SGCZ: variants seen among roughly 807,000 people sequenced by gnomAD.
The protein encoded by SGCZ is sarcoglycan zeta.
A neutral mutation model predicts 41.3 loss-of-function variants in SGCZ; 40 were observed. The observed-to-expected ratio is 0.97, with a 90% CI of 0.75 to 1.26. The LOEUF is 1.26. Ranked by LOEUF, SGCZ falls within the 50% of genes most tolerant of loss-of-function variation. The pLI is 0.00. For missense variants in SGCZ, 552 were observed against 369.8 expected, an observed-to-expected ratio of 1.49 and a Z score of -4.04; for synonymous variants, 206 against 137.5, an observed-to-expected ratio of 1.50 and a Z score of -3.49.
chr8:14,387,147 A>T (rs1176359164), intron 2 of SGCZ, among the ~76,000 whole-genome samples: 1 of 152,218 alleles, frequency 6.6e-6, no homozygotes, highest in African/African-American at 2.4e-5. Context: ...TCCTGGCCTC[A>T]AGTGATCCTC....
intron 1 of SGCZ, among the ~76,000 whole-genome samples, chr8:14,587,643 A>C (rs1234279228): frequency 2.0e-5 from 3 of 152,190 alleles, no homozygotes; most frequent in Non-Finnish European, 4.4e-5. Flanking sequence ...CCATGGATAG[A>C]ATATATGCAG....
chr8:14,091,435 C>A (rs570054820), intron 7 of SGCZ, among the ~76,000 whole-genome samples: 1 of 151,976 alleles, frequency 6.6e-6, no homozygotes, highest in East Asian at 1.9e-4. Context: ...ATGGTTTAAC[C>A]AATTTACACT....
At chr8:14,960,781 TACTACATCAATTAAGGAAATC>T (rs1172573571) in intron 1 of SGCZ, among the ~76,000 whole-genome samples, 2 of 152,128 alleles carry the variant, frequency 1.3e-5, no homozygotes, top group African/African-American at 4.8e-5. Flanking sequence ...TCATCATTTC[TACTACATCAATTAAGGAAATC>T]ACTGATTTTT....
chr8:14,196,155 G>T (rs950464864), intron 4 of SGCZ, among the ~76,000 whole-genome samples: 3 of 151,976 alleles, frequency 2.0e-5, no homozygotes, highest in Non-Finnish European at 4.4e-5. Context: ...CTTGAAGATG[G>T]ACATAGATAA....
chr8:14,178,877 G>A (rs1052621284), intron 4 of SGCZ, among the ~76,000 whole-genome samples: 2 of 152,192 alleles, frequency 1.3e-5, no homozygotes, highest in African/African-American at 4.8e-5. Context: ...CTCATTAAAT[G>A]TCTAGGTCAT....
rs114879971 is a variant in SGCZ, at chr8:15,063,896, C to A, written c.39+173689G>T. ...TAGGTCATTTCATGCCTAAGGCTTA[C>A]AGTCGAGTGTTGCCCTGAGTCAAGG... On this transcript the variant is annotated intron_variant, in intron 1 of 7. Coordinates refer to ENST00000382080, the MANE Select transcript of SGCZ (RefSeq NM_139167.4). Among the ~76,000 whole-genome samples the A allele has an allele frequency of 1.8e-3, 272 of 152,256 alleles. 1 individual carries two copies. The highest frequency in any genetic ancestry group is 6.2e-3 in the African/African-American group (258 of 41,546).
chr8:14,741,459 T>C (rs187614809), intron 1 of SGCZ, among the ~76,000 whole-genome samples: 1 of 152,106 alleles, frequency 6.6e-6, no homozygotes, highest in South Asian at 2.1e-4. Flanking sequence ...TTACGTTTTA[T>C]AACAGATAAG....
chr8:14,730,438 T>C (rs1810199788), intron 1 of SGCZ, among the ~76,000 whole-genome samples: 1 of 150,402 alleles, frequency 6.6e-6, no homozygotes, highest in African/African-American at 2.5e-5. Context: ...CCTGCTCTTG[T>C]ATGTTCTATT....
rs73666950 is a variant in SGCZ at position 14,957,690 on chromosome 8, C to T, written c.39+279895G>A. Among the ~76,000 whole-genome samples, 1,366 of 151,930 alleles carry T rather than the reference C, an allele frequency of 9.0e-3. 31 individuals carry two copies. The highest frequency in any genetic ancestry group is 0.031 in the African/African-American group (1,278 of 41,484). ...GCATTTGGAGTAATTATTTTAATCCCTCTATTTTTACGGCAAATTTTATAT... is the reference window on the plus strand; with the variant it reads ...GCATTTGGAGTAATTATTTTAATCCTTCTATTTTTACGGCAAATTTTATAT... On this transcript the variant is annotated intron_variant, in intron 1 of 7. Transcript: ENST00000382080.
chr8:14,427,072 A>G (rs952578570), intron 2 of SGCZ, among the ~76,000 whole-genome samples: 1 of 146,296 alleles, frequency 6.8e-6, no homozygotes, highest in Non-Finnish European at 1.5e-5. Context: ...GAATGAGTGA[A>G]TGAACGAATG....
intron 1 of SGCZ, among the ~76,000 whole-genome samples, chr8:15,231,444 A>G (rs1163615174): frequency 6.6e-6 from 1 of 152,110 alleles, no homozygotes; most frequent in East Asian, 1.9e-4. Context: ...GTGAGGCTAC[A>G]TAATGCTCTT....
chr8:14,185,262 C>T (rs56823311), intron 4 of SGCZ, among the ~76,000 whole-genome samples: 2,611 of 151,938 alleles, frequency 0.017, 78 homozygotes, highest in African/African-American at 0.06. Context: ...AAATTAGCTG[C>T]ACATGGTGGC....
At chr8:14,414,008 C>T (rs1799429428) in intron 2 of SGCZ, among the ~76,000 whole-genome samples, 1 of 151,796 alleles carries the variant, frequency 6.6e-6, no homozygotes, top group African/African-American at 2.4e-5. Context: ...CTCAAGATAC[C>T]CCATGAAAAT....
At chr8:14,100,690 T>C (rs1431985785) in intron 7 of SGCZ, among the ~76,000 whole-genome samples, 1 of 150,620 alleles carries the variant, frequency 6.6e-6, no homozygotes, top group Non-Finnish European at 1.5e-5. Context: ...AACACTCTAA[T>C]ATGGTCCTAC....
intron 1 of SGCZ, among the ~76,000 whole-genome samples, chr8:14,691,796 T>G (rs538968073): frequency 1.0e-3 from 154 of 152,014 alleles, no homozygotes; most frequent in African/African-American, 3.6e-3. Flanking sequence ...ATAAAATTTT[T>G]TTTGCCGTAA....
chr8:14,783,536 T>C (rs1317679165), intron 1 of SGCZ, among the ~76,000 whole-genome samples: 3 of 152,114 alleles, frequency 2.0e-5, no homozygotes, highest in Non-Finnish European at 4.4e-5. Flanking sequence ...TCAGCTTTTC[T>C]GACAATGAAA....
chr8:14,111,994 T>C (rs989015905), intron 5 of SGCZ, among the ~76,000 whole-genome samples: 10 of 152,172 alleles, frequency 6.6e-5, no homozygotes, highest in African/African-American at 1.9e-4. Flanking sequence ...CTATAAATGT[T>C]ATATCCTACG....
intron 1 of SGCZ, among the ~76,000 whole-genome samples, chr8:14,805,618 C>T (rs889272962): frequency 1.3e-4 from 19 of 143,456 alleles, no homozygotes; most frequent in African/African-American, 4.7e-4. Flanking sequence ...TAGACTCCCA[C>T]ACATTAATAA....
chr8:14,446,269 G>A (rs969979114), intron 2 of SGCZ, among the ~76,000 whole-genome samples: 2 of 152,122 alleles, frequency 1.3e-5, no homozygotes, highest in African/African-American at 4.8e-5. Flanking sequence ...CTCTAACACT[G>A]GTTTTACCTA....
Sources: gnomAD v4.1 joint callset for allele counts (sites outside exome capture counted in the v4.1 genomes callset) on GRCh38, gnomAD v4.1.1 for gene constraint, MANE v1.5 for transcripts, NCBI Gene and HGNC (gene_info 2026-07-23, HGNC 2026-07-21) for gene names.